The following RASSF5 variants were observed in gnomAD, a reference collection of about 807,000 sequenced individuals.
The protein encoded by RASSF5 is ras association domain-containing protein 5.
Under a neutral mutation model 40.5 loss-of-function variants are expected in RASSF5, and 25 were observed. The observed-to-expected ratio is 0.62, with a 90% CI of 0.45 to 0.86. The LOEUF (loss-of-function observed/expected upper bound fraction) is 0.86, where lower values mean the gene tolerates loss of function less well. RASSF5 is among the 40% of genes least tolerant of loss of function. The pLI is 0.00. For synonymous variants in RASSF5, 246 were observed against 252.4 expected, an observed-to-expected ratio of 0.97 and a Z score of 0.24; for missense variants, 521 against 572.8, an observed-to-expected ratio of 0.91 and a Z score of 0.92.
intron 1 of RASSF5, among the ~76,000 whole-genome samples, chr1:206,521,023 T>C (rs1290173093): frequency 2.6e-5 from 4 of 152,034 alleles, no homozygotes; most frequent in Non-Finnish European, 4.4e-5. Context: ...AGACATAAAC[T>C]CACAAACACA....
intron 2 of RASSF5, among the ~76,000 whole-genome samples, chr1:206,545,694 A>T (rs1211457205): frequency 6.6e-6 from 1 of 152,156 alleles, no homozygotes; most frequent in East Asian, 1.9e-4. Flanking sequence ...GACCTTCTTT[A>T]TCCCTGTTAA....
At chr1:206,545,342 T>A (rs1255230041) in intron 2 of RASSF5, among the ~76,000 whole-genome samples, 6 of 111,974 alleles carry the variant, frequency 5.4e-5, no homozygotes, top group Non-Finnish European at 1.0e-4. Context: ...AGGAATTTCT[T>A]GTGTTTTTTT....
chr1:206,584,702 C>T lies in RASSF5; in HGVS notation c.988+18C>T, dbSNP rs781873516. The T allele has an allele frequency of 1.9e-6, 3 of 1,613,666 alleles. No individual in the cohort carries two copies. The highest frequency in any genetic ancestry group is 3.3e-5 in the Admixed American group (2 of 59,990). On this transcript the variant is annotated intron_variant, in intron 4 of 5. Coordinates refer to ENST00000579436, the MANE Select transcript of RASSF5 (RefSeq NM_182663.4). The surrounding 1 kb of genome is among the most constrained non-coding windows in gnomAD (Gnocchi z 4.9). ...CGGACAAGGTAGGAGAAAGAGTGAACCCAACCAGACCGTTCCCTTCCTACC... is the reference window on the plus strand; with the variant it reads ...CGGACAAGGTAGGAGAAAGAGTGAATCCAACCAGACCGTTCCCTTCCTACC...
At chr1:206,563,113 T>A (rs782334246) in intron 2 of RASSF5, among the ~76,000 whole-genome samples, 1 of 152,104 alleles carries the variant, frequency 6.6e-6, no homozygotes, top group East Asian at 1.9e-4. Context: ...GGATAACACA[T>A]GGGAAGCTTG....
intron 2 of RASSF5, chr1:206,542,827 A>AT (rs1553399577): frequency 6.6e-6 from 1 of 152,186 alleles, no homozygotes; most frequent in Non-Finnish European, 1.5e-5. Context: ...GTACTTAGGA[A>AT]TTTTTTCTCA....
At position 206,538,049 on chromosome 1, in the gene RASSF5, C is replaced by A; in HGVS notation, c.458-123C>A. 4 of 1,372,522 alleles carry A rather than the reference C, an allele frequency of 2.9e-6. No individual in the cohort carries two copies. In the South Asian group the frequency reaches 3.9e-5, roughly 13 times the overall value. The allele number at this position is 1,372,522 out of a possible 1,614,324, so 85.0% of individuals were successfully genotyped here. A position where few individuals can be genotyped will look rare whatever the true frequency, so the allele number is the denominator to read the frequency against. ...ATTCTCACGCTGTCTCCCGCCCCAC[C>A]ACTTCTCTCCTGCACTGCTCTTCCC... On this transcript the variant is annotated intron_variant, in intron 1 of 5. Transcript: ENST00000579436.
intron 2 of RASSF5, among the ~76,000 whole-genome samples, chr1:206,581,614 G>A (rs1035989671): frequency 1.5e-5 from 2 of 137,058 alleles, no homozygotes; most frequent in African/African-American, 2.7e-5. Context: ...GAAAGAAAGA[G>A]AGAGAGACAG....
At chr1:206,527,095 C>A (rs1391948972) in intron 1 of RASSF5, among the ~76,000 whole-genome samples, 1 of 152,122 alleles carries the variant, frequency 6.6e-6, no homozygotes, top group East Asian at 1.9e-4. Context: ...AGGCTCAAAC[C>A]CTGATTCATG....
intron 2 of RASSF5, among the ~76,000 whole-genome samples, chr1:206,548,680 T>TGG (rs1193608859): frequency 1.3e-5 from 2 of 152,226 alleles, no homozygotes; most frequent in Admixed American, 6.5e-5. Flanking sequence ...TTGAGTTTGT[T>TGG]GGATCTGTGG....
intron 1 of RASSF5, among the ~76,000 whole-genome samples, chr1:206,530,284 CT>C (rs1667203490): frequency 6.6e-6 from 1 of 152,128 alleles, no homozygotes; most frequent in Admixed American, 6.5e-5. Flanking sequence ...AAAACACAAT[CT>C]TTTTCCTTTT....
At chr1:206,514,464 T>G (rs1188239564) in intron 1 of RASSF5, among the ~76,000 whole-genome samples, 1 of 152,142 alleles carries the variant, frequency 6.6e-6, no homozygotes, top group Non-Finnish European at 1.5e-5. Context: ...AGCAGGTGAG[T>G]GGATGGCTGA....
At chr1:206,532,122 A>C (rs1553398051) in intron 1 of RASSF5, among the ~76,000 whole-genome samples, 3 of 152,184 alleles carry the variant, frequency 2.0e-5, no homozygotes. Context: ...ATTTCCCTGT[A>C]GTGCCTAAGA....
chr1:206,528,905 A>T, intron 1 of RASSF5: 1 of 562,218 alleles, frequency 1.8e-6, no homozygotes, highest in Non-Finnish European at 3.1e-6. Context: ...CTCTCCTCGC[A>T]TTGCCCAAGA....
chr1:206,567,259 G>C (rs997459418), intron 2 of RASSF5, among the ~76,000 whole-genome samples: 11 of 152,176 alleles, frequency 7.2e-5, no homozygotes, highest in African/African-American at 2.4e-4. Flanking sequence ...CCTCTAGTGG[G>C]GCCTCCGAGG....
rs1459689161 is a variant in RASSF5 at position 206,523,343 on chromosome 1, AT to A, written c.458-14827del. Among the ~76,000 whole-genome samples, 3 of 131,576 alleles carry A rather than the reference AT, an allele frequency of 2.3e-5. No homozygotes were observed. In the Admixed American group the frequency reaches 2.9e-4, roughly 13 times the overall value. The allele number at this position is 131,576 out of a possible 152,430, so 86.3% of individuals were successfully genotyped here. The stretch of plus-strand genomic sequence containing the variant: ...ATATACATATAAAATATATTTATAT[AT>A]TATATATTTTATATATTATATAATA... On this transcript the variant is annotated intron_variant, in intron 1 of 5. Transcript: ENST00000579436.
chr1:206,543,494 G>T (rs1432425817), intron 2 of RASSF5: 2 of 152,216 alleles, frequency 1.3e-5, no homozygotes, highest in Non-Finnish European at 2.9e-5. Context: ...CAGCATGAAT[G>T]CAGGTCCCTC....
intron 1 of RASSF5, among the ~76,000 whole-genome samples, chr1:206,523,496 T>A (rs1164564324): frequency 5.7e-5 from 1 of 17,666 alleles, no homozygotes; most frequent in African/African-American, 8.7e-4. Flanking sequence ...TATTATATAT[T>A]ATATATTTTA....
intron 2 of RASSF5, among the ~76,000 whole-genome samples, chr1:206,571,895 G>A (rs1553404256): frequency 6.6e-6 from 1 of 152,184 alleles, no homozygotes; most frequent in Non-Finnish European, 1.5e-5. Context: ...GATGTCCCAA[G>A]GGAAAATTCC....
intron 2 of RASSF5, among the ~76,000 whole-genome samples, chr1:206,582,459 T>A (rs1261992568): frequency 6.6e-6 from 1 of 152,192 alleles, no homozygotes; most frequent in Non-Finnish European, 1.5e-5. Flanking sequence ...CTCAATAGTC[T>A]CACCTGTAAG....
Sources: allele counts gnomAD v4.1 joint callset (sites outside exome capture counted in the v4.1 genomes callset), GRCh38; gene constraint gnomAD v4.1.1; non-coding constraint Gnocchi (gnomAD v3.1); transcripts MANE v1.5; gene names NCBI Gene and HGNC (gene_info 2026-07-23, HGNC 2026-07-21).